The following KCNK18 variants were observed in gnomAD, a reference collection of about 807,000 sequenced individuals.
KCNK18 encodes the protein potassium channel subfamily K member 18.
KCNK18 carries 8 observed loss-of-function variants against 11.8 expected under a neutral mutation model. That is an observed-to-expected ratio of 0.68 (90% confidence interval 0.40 to 1.22). The LOEUF is 1.22. KCNK18 is among the 50% of genes most tolerant of loss of function. The probability of loss-of-function intolerance (pLI) is 0.01; values close to 1 mark genes in which losing one functional copy is unlikely to be tolerated. For synonymous variants in KCNK18, 208 were observed against 185.8 expected (o/e 1.12, Z -0.97); for missense variants, 442 against 465.4 (o/e 0.95, Z 0.46).
chr10:117,202,051 C>T (rs1355058870), intron 2 of KCNK18, among the ~76,000 whole-genome samples: 1 of 152,218 alleles, frequency 6.6e-6, no homozygotes, highest in Non-Finnish European at 1.5e-5. Context: ...GGAGCGTGGC[C>T]CATCACTCAG....
intron 2 of KCNK18, among the ~76,000 whole-genome samples, chr10:117,206,505 G>A (rs1258690847): frequency 6.6e-6 from 1 of 152,164 alleles, no homozygotes; most frequent in Non-Finnish European, 1.5e-5. Context: ...AGCATTGACA[G>A]ATTCTAGGAG....
chr10:117,202,539 A>T (rs542305787), intron 2 of KCNK18, among the ~76,000 whole-genome samples: 11 of 152,336 alleles, frequency 7.2e-5, no homozygotes, highest in African/African-American at 2.6e-4. Context: ...ACAAGAGGCC[A>T]CCAAGGTCCA....
At chr10:117,200,602 T>C (rs1246700917) in intron 1 of KCNK18, among the ~76,000 whole-genome samples, 1 of 152,110 alleles carries the variant, frequency 6.6e-6, no homozygotes, top group East Asian at 1.9e-4. Context: ...GGTCAAGAAA[T>C]TGAGACCATC....
In KCNK18 at chr10:117,209,864, G is replaced by C; in HGVS notation, c.720G>C (p.Leu240=). The change falls in exon 3 of 3, where the codon CTG becomes CTC. Residue 240 remains leucine (L), a synonymous_variant. Coordinates refer to ENST00000334549, the MANE Select transcript of KCNK18 (RefSeq NM_181840.1). Reference sequence around the variant, plus strand: ...ATGCGCTAGAGAAACAGAACACACTGCAACTGCCCCCACAAGCCATGGAGA... The same window carrying C: ...ATGCGCTAGAGAAACAGAACACACTCCAACTGCCCCCACAAGCCATGGAGA... The part of the protein sequence containing the change: ...RSHALEKQNT[L]QLPPQAMERS... The C allele has an allele frequency of 6.2e-7, 1 of 1,614,154 alleles. No individual in the cohort carries two copies. The highest frequency in any genetic ancestry group is 8.5e-7 in the Non-Finnish European group (1 of 1,180,042).
intron 2 of KCNK18, among the ~76,000 whole-genome samples, chr10:117,207,835 A>G (rs536851878): frequency 3.9e-5 from 6 of 152,312 alleles, no homozygotes; most frequent in African/African-American, 1.4e-4. Flanking sequence ...CCTTCAGATT[A>G]ATTTACATAA....
rs1287250487 is a variant in KCNK18, at chr10:117,209,792, A to G, written c.648A>G (p.Thr216=). The G allele has an allele frequency of 2.5e-6, 4 of 1,614,010 alleles. No individual in the cohort carries two copies. The East Asian group carries it at 8.9e-5, about 36-fold the overall frequency. The change falls in exon 3 of 3, where the codon ACA becomes ACG. Residue 216 remains threonine (T), a synonymous_variant. Transcript: ENST00000334549. ...AEELPGPKLG[T]CPSRPSCSME... ...AGCTTCCAGGCCCCAAACTTGGCAC[A>G]TGTCCTTCACGCCCAAGCTGCAGCA... is the stretch of plus-strand genomic sequence containing the variant.
rs193207817 is a variant in KCNK18, at chr10:117,208,802, A to G, written c.353-695A>G. Among the ~76,000 whole-genome samples the G allele has an allele frequency of 4.7e-5, 7 of 148,984 alleles. No individual in the cohort carries two copies. The East Asian group carries it at 1.4e-3, about 30-fold the overall frequency. Reference sequence around the variant, plus strand: ...GTCCCCTAGGCTGGAGTGCAATGGCACAATCTTGGCTCACTGCAACCTCCA... The same window carrying G: ...GTCCCCTAGGCTGGAGTGCAATGGCGCAATCTTGGCTCACTGCAACCTCCA... On this transcript the variant is annotated intron_variant, in intron 2 of 2. Coordinates refer to ENST00000334549, the MANE Select transcript of KCNK18 (RefSeq NM_181840.1).
intron 2 of KCNK18, among the ~76,000 whole-genome samples, chr10:117,203,576 G>A (rs1855040041): frequency 6.6e-6 from 1 of 152,204 alleles, no homozygotes; most frequent in Admixed American, 6.5e-5. Flanking sequence ...GTCTTGCTCT[G>A]TCGCCCAGAC....
intron 1 of KCNK18, among the ~76,000 whole-genome samples, chr10:117,200,419 T>C (rs763088489): frequency 9.2e-5 from 14 of 152,108 alleles, no homozygotes; most frequent in Admixed American, 2.0e-4. Flanking sequence ...GGGTATGATT[T>C]GCATCTGTGT....
intron 2 of KCNK18, among the ~76,000 whole-genome samples, chr10:117,209,206 C>G (rs1457392709): frequency 1.3e-5 from 2 of 152,108 alleles, no homozygotes; most frequent in Admixed American, 1.3e-4. Context: ...GAATCAAAGG[C>G]AATCTGTTCA....
intron 2 of KCNK18, among the ~76,000 whole-genome samples, chr10:117,203,314 A>G (rs1049794027): frequency 7.9e-5 from 12 of 151,994 alleles, no homozygotes; most frequent in Non-Finnish European, 1.6e-4. Context: ...TCTCACCACA[A>G]CCCTGCAAGG....
At chr10:117,209,453 G>T in intron 2 of KCNK18, 44 bp from the exon 3 acceptor site, 1 of 1,518,846 alleles carries the variant, frequency 6.6e-7, no homozygotes, top group Non-Finnish European at 9.1e-7. Flanking sequence ...GGGGAAAAAG[G>T]GAAGGGGCCA....
intron 2 of KCNK18, among the ~76,000 whole-genome samples, chr10:117,204,889 T>C (rs1275084115): frequency 6.6e-6 from 1 of 152,068 alleles, no homozygotes; most frequent in East Asian, 1.9e-4. Context: ...AGGCTGTGAG[T>C]CACTGATCTA....
In KCNK18 at chr10:117,198,315, C is replaced by T. The variant is rs753754904; in HGVS notation, c.223+604C>T. On this transcript the variant is annotated intron_variant, in intron 1 of 2. Coordinates refer to ENST00000334549, the MANE Select transcript of KCNK18 (RefSeq NM_181840.1). The stretch of plus-strand genomic sequence containing the variant: ...GAGGGGTGGGGGTCCTGGCTGTTGT[C>T]CTGGCTGCTCTCCCAGCTTGCTCTG... 9.9e-5 allele frequency among the ~76,000 whole-genome samples: 15 copies of T among 152,174 alleles called. No individual in the cohort carries two copies. The South Asian group carries it at 1.0e-3, about 11-fold the overall frequency.
intron 1 of KCNK18, among the ~76,000 whole-genome samples, chr10:117,199,975 A>C (rs1024460779): frequency 6.6e-6 from 1 of 152,222 alleles, no homozygotes; most frequent in African/African-American, 2.4e-5. Context: ...CCTTGGAACC[A>C]ATGTGTAGGA....
chr10:117,198,312 T>C (rs1032009945), intron 1 of KCNK18, among the ~76,000 whole-genome samples: 3 of 152,004 alleles, frequency 2.0e-5, no homozygotes, highest in South Asian at 2.1e-4. Context: ...TCCTGGCTGT[T>C]GTCCTGGCTG....
intron 1 of KCNK18, among the ~76,000 whole-genome samples, chr10:117,198,034 T>C (rs992118512): frequency 1.3e-5 from 2 of 152,030 alleles, no homozygotes; most frequent in African/African-American, 4.8e-5. Flanking sequence ...GGACGATGGA[T>C]TACTGGGAAT....
intron 1 of KCNK18, among the ~76,000 whole-genome samples, chr10:117,199,080 G>A (rs559750053): frequency 5.3e-4 from 81 of 152,210 alleles, no homozygotes; most frequent in Non-Finnish European, 5.4e-4. Flanking sequence ...CATTTTGGGA[G>A]GCCAAGGTGG....
In KCNK18 at chr10:117,199,112, G is replaced by A. The variant is rs1208830327; in HGVS notation, c.223+1401G>A. ...GTGGGAGAATCATTTGAGGCCAGGA[G>A]TTTGAGACTAGGCCTGGGCAACAAG... On this transcript the variant is annotated intron_variant, in intron 1 of 2. Transcript: ENST00000334549. 2.0e-5 allele frequency among the ~76,000 whole-genome samples: 3 copies of A among 152,150 alleles called. No individual in the cohort carries two copies. In the East Asian group the frequency reaches 5.8e-4, roughly 29 times the overall value.
Sources: allele counts gnomAD v4.1 joint callset (sites outside exome capture counted in the v4.1 genomes callset), GRCh38; gene constraint gnomAD v4.1.1; transcripts MANE v1.5; gene names NCBI Gene and HGNC (gene_info 2026-07-23, HGNC 2026-07-21).